The following CPE variants were observed in gnomAD, a reference collection of about 807,000 sequenced individuals.
CPE encodes the protein carboxypeptidase E, also known as carbocypeptidase E.
In CPE, 17 loss-of-function variants were observed where a neutral mutation model predicts 53.5. The observed-to-expected ratio is 0.32, with a 90% CI of 0.22 to 0.48. CPE has a LOEUF of 0.48. Ranked by LOEUF, CPE falls within the 20% of genes least tolerant of loss-of-function variation. The pLI is 0.99. For synonymous variants in CPE, 226 were observed against 228.8 expected (o/e 0.99, Z 0.11); for missense variants, 524 against 614.7 (o/e 0.85, Z 1.56).
chr4:165,459,702 CAGG>C (rs370129601), intron 1 of CPE, among the ~76,000 whole-genome samples: 10,293 of 120,714 alleles, frequency 0.085, 548 homozygotes, highest in East Asian at 0.2. Context: ...ATCATGAGGT[CAGG>C]AGGAGTTCGA....
At chr4:165,485,182 T>G (rs1732487107) in intron 5 of CPE, among the ~76,000 whole-genome samples, 1 of 152,168 alleles carries the variant, frequency 6.6e-6, no homozygotes, top group African/African-American at 2.4e-5. Context: ...AGCCCCTTCC[T>G]AGGTAGCCAA....
rs143942971 is a variant in CPE, at chr4:165,471,903, A to G, written c.672+4048A>G. Among the ~76,000 whole-genome samples, 16 of 152,330 alleles carry G rather than the reference A, an allele frequency of 1.1e-4. No individual in the cohort carries two copies. In the East Asian group the frequency reaches 1.9e-3, roughly 18 times the overall value. On this transcript the variant is annotated intron_variant, in intron 3 of 8. Coordinates refer to ENST00000402744, the MANE Select transcript of CPE (RefSeq NM_001873.4). ...CTTGGTAAAATAACCAGTTTCTCCA[A>G]TTGTGCCTTGTTGCAAAAGAAAACA...
intron 1 of CPE, among the ~76,000 whole-genome samples, chr4:165,421,898 A>G (rs759760086): frequency 2.6e-5 from 4 of 152,046 alleles, no homozygotes; most frequent in Non-Finnish European, 5.9e-5. Context: ...CTAATTAATT[A>G]TTTCTGTTTT....
intron 1 of CPE, among the ~76,000 whole-genome samples, chr4:165,395,659 C>T (rs911779302): frequency 3.3e-5 from 5 of 152,144 alleles, no homozygotes; most frequent in African/African-American, 1.2e-4. Flanking sequence ...CAGGATAGAA[C>T]TTGAAATCAT....
chr4:165,468,601 C>T (rs1390747551), intron 3 of CPE, among the ~76,000 whole-genome samples: 1 of 152,174 alleles, frequency 6.6e-6, no homozygotes, highest in African/African-American at 2.4e-5. Flanking sequence ...CACCGCTCAC[C>T]AGTTACCACC....
intron 1 of CPE, chr4:165,404,223 G>T (rs926604079): frequency 3.2e-5 from 24 of 761,442 alleles, no homozygotes; most frequent in Admixed American, 1.2e-4. Flanking sequence ...CCAAGACAAG[G>T]TGGGAAGCTG....
chr4:165,462,114 G>T (rs1180162513), intron 1 of CPE, among the ~76,000 whole-genome samples: 1 of 152,214 alleles, frequency 6.6e-6, no homozygotes, highest in Non-Finnish European at 1.5e-5. Context: ...GATTTGAAGA[G>T]AAACCATGTC....
chr4:165,390,625 A>G (rs893043245), intron 1 of CPE, among the ~76,000 whole-genome samples: 16 of 152,132 alleles, frequency 1.1e-4, no homozygotes, highest in African/African-American at 3.6e-4. Flanking sequence ...TTGTCTCCCC[A>G]TTGTCCATAA....
chr4:165,487,655 T>A, intron 6 of CPE, 78 bp downstream of exon 6: 1 of 1,484,120 alleles, frequency 6.7e-7, no homozygotes. Flanking sequence ...GTAAGAGGAG[T>A]CCAGGAGAAT....
At chr4:165,400,254 G>T (rs1301508046) in intron 1 of CPE, among the ~76,000 whole-genome samples, 1 of 152,200 alleles carries the variant, frequency 6.6e-6, no homozygotes, top group African/African-American at 2.4e-5. Flanking sequence ...CAGAGGAAAA[G>T]ATTTAGGAAT....
chr4:165,463,883 A>C (rs1006796670), intron 1 of CPE, among the ~76,000 whole-genome samples: 2 of 152,212 alleles, frequency 1.3e-5, no homozygotes, highest in African/African-American at 4.8e-5. Context: ...GGCTGGCTTA[A>C]ACAACAGAAA....
chr4:165,491,919 G>A (rs986624722), intron 6 of CPE, among the ~76,000 whole-genome samples: 1 of 152,064 alleles, frequency 6.6e-6, no homozygotes, highest in African/African-American at 2.4e-5. Flanking sequence ...TCTATAGCCC[G>A]ATTGAGTGAG....
chr4:165,490,629 CAAAA>C (rs36034365), intron 6 of CPE, among the ~76,000 whole-genome samples: 1 of 41,010 alleles, frequency 2.4e-5, no homozygotes, highest in Non-Finnish European at 5.1e-5. Flanking sequence ...GACTCCGTCT[CAAAA>C]AAAAAAAAAA....
At chr4:165,443,589 T>A (rs2126687086) in intron 1 of CPE, among the ~76,000 whole-genome samples, 1 of 152,314 alleles carries the variant, frequency 6.6e-6, no homozygotes, top group East Asian at 1.9e-4. Context: ...TTTCTGTGTA[T>A]CTGCATCACT....
At chr4:165,391,501 T>C (rs1730679331) in intron 1 of CPE, among the ~76,000 whole-genome samples, 1 of 152,116 alleles carries the variant, frequency 6.6e-6, no homozygotes, top group South Asian at 2.1e-4. Context: ...CAACTTGCAG[T>C]GTAAATCATC....
chr4:165,459,730 A>G (rs1013730862), intron 1 of CPE, among the ~76,000 whole-genome samples: 1 of 145,926 alleles, frequency 6.9e-6, no homozygotes, highest in Non-Finnish European at 1.5e-5. Context: ...AGCTTGGCCA[A>G]TATGGTGAAA....
intron 1 of CPE, among the ~76,000 whole-genome samples, chr4:165,384,195 A>G (rs956582798): frequency 6.6e-6 from 1 of 152,262 alleles, no homozygotes; most frequent in African/African-American, 2.4e-5. Flanking sequence ...TCCATAGAAC[A>G]TATATTCAGC....
chr4:165,434,498 A>T (rs950271896), intron 1 of CPE, among the ~76,000 whole-genome samples: 2 of 152,190 alleles, frequency 1.3e-5, no homozygotes, highest in African/African-American at 4.8e-5. Context: ...CTCTTGACCT[A>T]CAGAAAAGGT....
chr4:165,457,836 TAC>T (rs1414029725), intron 1 of CPE, among the ~76,000 whole-genome samples: 3 of 152,236 alleles, frequency 2.0e-5, no homozygotes, highest in Non-Finnish European at 4.4e-5. Context: ...CTTTTTTCTT[TAC>T]TTTTTCCTCA....
Sources: allele counts gnomAD v4.1 joint callset (sites outside exome capture counted in the v4.1 genomes callset), GRCh38; gene constraint gnomAD v4.1.1; transcripts MANE v1.5; gene names NCBI Gene and HGNC (gene_info 2026-07-23, HGNC 2026-07-21).